The following ST6GALNAC3 variants were observed in gnomAD, a reference collection of about 807,000 sequenced individuals.
ST6GALNAC3 encodes the protein alpha-N-acetylgalactosaminide alpha-2,6-sialyltransferase 3.
ST6GALNAC3 carries 25 observed loss-of-function variants against 32.7 expected under a neutral mutation model. The observed-to-expected ratio is 0.76, with a 90% CI of 0.56 to 1.07. The LOEUF is 1.07. ST6GALNAC3 is among the 50% of genes least tolerant of loss of function. The pLI, the probability that ST6GALNAC3 is intolerant of heterozygous loss-of-function variation, is 0.00. For synonymous variants in ST6GALNAC3, 129 were observed against 133.1 expected (o/e 0.97, Z 0.21); for missense variants, 355 against 382.4 (o/e 0.93, Z 0.60).
chr1:76,420,906 G>A (rs568306151), intron 3 of ST6GALNAC3, among the ~76,000 whole-genome samples: 4 of 152,068 alleles, frequency 2.6e-5, no homozygotes, highest in African/African-American at 4.8e-5. Flanking sequence ...GAAAATCGTA[G>A]GGTTATGGAC....
At chr1:76,362,626 C>T (rs1158612401) in intron 2 of ST6GALNAC3, among the ~76,000 whole-genome samples, 7 of 152,190 alleles carry the variant, frequency 4.6e-5, no homozygotes. Flanking sequence ...GTAAATACTC[C>T]CATTACAAAA....
intron 1 of ST6GALNAC3, among the ~76,000 whole-genome samples, chr1:76,240,690 G>A (rs1238140844): frequency 2.0e-5 from 3 of 152,170 alleles, no homozygotes; most frequent in African/African-American, 7.2e-5. Flanking sequence ...TGACTGTTGA[G>A]CCAATTGCCT....
intron 3 of ST6GALNAC3, among the ~76,000 whole-genome samples, chr1:76,419,370 G>A (rs185837337): frequency 1.3e-5 from 2 of 152,230 alleles, no homozygotes; most frequent in Admixed American, 6.5e-5. Context: ...CCCCCAAAGG[G>A]TGTGAAACTC....
chr1:76,384,424 C>A (rs12144641), intron 2 of ST6GALNAC3, among the ~76,000 whole-genome samples: 12,097 of 152,166 alleles, frequency 0.079, 1,221 homozygotes, highest in African/African-American at 0.24. Context: ...AGTAGATAAT[C>A]TGACAATCAT....
At chr1:76,463,455 A>G (rs925870124) in intron 3 of ST6GALNAC3, among the ~76,000 whole-genome samples, 2 of 152,086 alleles carry the variant, frequency 1.3e-5, no homozygotes, top group Non-Finnish European at 2.9e-5. Flanking sequence ...CTATTTTCGT[A>G]TTTCTCTATG....
intron 3 of ST6GALNAC3, among the ~76,000 whole-genome samples, chr1:76,445,814 C>T (rs539918766): frequency 5.1e-4 from 77 of 152,074 alleles, no homozygotes; most frequent in African/African-American, 1.8e-3. Flanking sequence ...AGTAGCAGCC[C>T]ACTCCACCCC....
intron 1 of ST6GALNAC3, among the ~76,000 whole-genome samples, chr1:76,150,936 T>C (rs2100329084): frequency 6.6e-6 from 1 of 152,286 alleles, no homozygotes; most frequent in Admixed American, 6.5e-5. Flanking sequence ...GTACCATTGT[T>C]AGTAGCCAGG....
At chr1:76,110,789 T>C (rs1647876012) in intron 1 of ST6GALNAC3, among the ~76,000 whole-genome samples, 1 of 152,230 alleles carries the variant, frequency 6.6e-6, no homozygotes, top group Non-Finnish European at 1.5e-5. Context: ...CAGGGTTTCC[T>C]TAGGGGGAGA....
intron 3 of ST6GALNAC3, among the ~76,000 whole-genome samples, chr1:76,621,102 A>C (rs1281422463): frequency 6.6e-6 from 1 of 152,064 alleles, no homozygotes; most frequent in Non-Finnish European, 1.5e-5. Flanking sequence ...TGAAAAGAAC[A>C]CAGTCGTTTC....
At chr1:76,114,683 C>A (rs1166489435) in intron 1 of ST6GALNAC3, among the ~76,000 whole-genome samples, 4 of 151,948 alleles carry the variant, frequency 2.6e-5, no homozygotes, top group Admixed American at 1.3e-4. Flanking sequence ...CCAAGGTGAG[C>A]GAATCATTTG....
chr1:76,521,558 T>G (rs1662539966), intron 3 of ST6GALNAC3, among the ~76,000 whole-genome samples: 1 of 152,164 alleles, frequency 6.6e-6, no homozygotes, highest in Non-Finnish European at 1.5e-5. Context: ...TATCTTTGTA[T>G]TGCTCTTCAT....
chr1:76,323,036 C>T (rs1249223671), intron 2 of ST6GALNAC3, among the ~76,000 whole-genome samples: 1 of 152,058 alleles, frequency 6.6e-6, no homozygotes, highest in Non-Finnish European at 1.5e-5. Context: ...ACAAAAATTA[C>T]CTCTAGAAAT....
chr1:76,151,652 G>C (rs1206641491), intron 1 of ST6GALNAC3, among the ~76,000 whole-genome samples: 4 of 151,936 alleles, frequency 2.6e-5, no homozygotes, highest in Non-Finnish European at 4.4e-5. Flanking sequence ...GTGCCTCTGA[G>C]TGATCACACC....
intron 1 of ST6GALNAC3, among the ~76,000 whole-genome samples, chr1:76,156,753 A>G (rs1343507915): frequency 1.3e-5 from 2 of 151,966 alleles, no homozygotes; most frequent in Non-Finnish European, 2.9e-5. Flanking sequence ...TTTTTTTGAG[A>G]CGGAGTCTCG....
rs142135088 is a variant in ST6GALNAC3, at chr1:76,452,368, A to G, written c.623+39951A>G. Among the ~76,000 whole-genome samples, 780 of 152,284 alleles carry G rather than the reference A, an allele frequency of 5.1e-3. 8 individuals are homozygous for G. Among genetic ancestry groups the G allele is most frequent in the African/African-American group, 0.017 (714 of 41,564 alleles). Reference sequence around the variant, plus strand: ...TTCATTAAATTCTTTTTCCAGTATAAATTACCCAGTCTCAGGTATGTCTTT... The same window carrying G: ...TTCATTAAATTCTTTTTCCAGTATAGATTACCCAGTCTCAGGTATGTCTTT... On this transcript the variant is annotated intron_variant, in intron 3 of 4. Coordinates refer to ENST00000328299, the MANE Select transcript of ST6GALNAC3 (RefSeq NM_152996.4).
chr1:76,298,700 T>C (rs1207910195), intron 1 of ST6GALNAC3, among the ~76,000 whole-genome samples: 1 of 152,100 alleles, frequency 6.6e-6, no homozygotes, highest in Admixed American at 6.6e-5. Context: ...TAACGTATTT[T>C]GATTTTGAAT....
At chr1:76,608,177 C>A (rs1647684067) in intron 3 of ST6GALNAC3, among the ~76,000 whole-genome samples, 1 of 152,170 alleles carries the variant, frequency 6.6e-6, no homozygotes, top group South Asian at 2.1e-4. Context: ...CATGAACATG[C>A]TGATGTGAAT....
At chr1:76,464,785 C>G (rs1443766974) in intron 3 of ST6GALNAC3, among the ~76,000 whole-genome samples, 1 of 152,122 alleles carries the variant, frequency 6.6e-6, no homozygotes, top group Non-Finnish European at 1.5e-5. Context: ...ACTTTATAGA[C>G]AGAGAAGCTG....
intron 1 of ST6GALNAC3, among the ~76,000 whole-genome samples, chr1:76,306,689 G>A (rs1161194761): frequency 7.0e-6 from 1 of 142,012 alleles, no homozygotes; most frequent in Non-Finnish European, 1.6e-5. Flanking sequence ...TGGGGGGCGG[G>A]GGGTGCAGAC....
Sources: allele counts gnomAD v4.1 joint callset (sites outside exome capture counted in the v4.1 genomes callset), GRCh38; gene constraint gnomAD v4.1.1; transcripts MANE v1.5; gene names NCBI Gene and HGNC (gene_info 2026-07-23, HGNC 2026-07-21).